Variants in CNTNAP4 observed in about 807,000 individuals in gnomAD.
CNTNAP4 encodes contactin associated protein family member 4.
A neutral mutation model predicts 148.4 loss-of-function variants in CNTNAP4; 98 were observed. That is an observed-to-expected ratio of 0.66 (90% CI 0.56 to 0.78). CNTNAP4 has a LOEUF of 0.78. Ranked by LOEUF, CNTNAP4 falls within the 30% of genes least tolerant of loss-of-function variation. The pLI, the probability that CNTNAP4 is intolerant of heterozygous loss-of-function variation, is 0.00. For missense variants in CNTNAP4, 1,935 were observed against 1,565.6 expected (o/e 1.24, Z -3.98); for synonymous variants, 730 against 565.1 (o/e 1.29, Z -4.14).
chr16:76,526,604 A>G (rs945104349), intron 17 of CNTNAP4, among the ~76,000 whole-genome samples: 12 of 152,158 alleles, frequency 7.9e-5, no homozygotes, highest in African/African-American at 2.9e-4. Flanking sequence ...CTTATCTATG[A>G]TAATATGCTT....
At chr16:76,521,058 G>C in intron 15 of CNTNAP4, 82 bp from the exon 16 acceptor site, 1 of 1,297,158 alleles carries the variant, frequency 7.7e-7, no homozygotes, top group Non-Finnish European at 1.1e-6. Flanking sequence ...GCTAAAAATA[G>C]AACATGTAAT....
At chr16:76,361,734 T>C (rs1188779292) in intron 3 of CNTNAP4, among the ~76,000 whole-genome samples, 2 of 152,218 alleles carry the variant, frequency 1.3e-5, no homozygotes, top group Non-Finnish European at 2.9e-5. Context: ...GGAAATTCCA[T>C]ACTGCATGCT....
chr16:76,468,724 G>T (rs760715462), intron 10 of CNTNAP4, among the ~76,000 whole-genome samples: 1 of 151,940 alleles, frequency 6.6e-6, no homozygotes, highest in Non-Finnish European at 1.5e-5. Context: ...CTCCCAAAGT[G>T]CTGGAATTAC....
intron 18 of CNTNAP4, among the ~76,000 whole-genome samples, chr16:76,536,108 A>G (rs770915837): frequency 3.3e-5 from 5 of 152,040 alleles, no homozygotes; most frequent in Non-Finnish European, 4.4e-5. Context: ...TTTTCTACCT[A>G]GTGTTGATGC....
At chr16:76,543,278 C>T (rs147825376) in intron 21 of CNTNAP4, among the ~76,000 whole-genome samples, 1 of 152,050 alleles carries the variant, frequency 6.6e-6, no homozygotes, top group Non-Finnish European at 1.5e-5. Flanking sequence ...AACTTGTGGT[C>T]AAATTTTGTG....
chr16:76,373,267 T>G (rs186694565), intron 3 of CNTNAP4, among the ~76,000 whole-genome samples: 4 of 145,072 alleles, frequency 2.8e-5, no homozygotes, highest in East Asian at 2.0e-4. Context: ...CACATATATA[T>G]GTGAAATATA....
At chr16:76,525,449 G>GA (rs1192107002) in intron 17 of CNTNAP4, among the ~76,000 whole-genome samples, 2 of 147,720 alleles carry the variant, frequency 1.4e-5, no homozygotes, top group East Asian at 2.0e-4. Flanking sequence ...TATAGAGAGA[G>GA]AAAAAATGTA....
chr16:76,331,503 G>GTT (rs113105251), intron 2 of CNTNAP4, among the ~76,000 whole-genome samples: 3 of 143,686 alleles, frequency 2.1e-5, no homozygotes. Context: ...TTTCTTTCAA[G>GTT]TTTTTTTTTT....
At chr16:76,318,512 T>A (rs1277540629) in intron 2 of CNTNAP4, among the ~76,000 whole-genome samples, 1 of 152,068 alleles carries the variant, frequency 6.6e-6, no homozygotes, top group Admixed American at 6.5e-5. Flanking sequence ...AGGATCATTT[T>A]AATTATCTTT....
chr16:76,553,864 GC>G lies in CNTNAP4; in HGVS notation c.3694del (p.Ala1233LeufsTer10). ...DHSGTIDDRE[P>X]LANAIKSDSA... ...ATTCTGGAACAATAGATGACAGAGA[GC>G]CCCTTGCTAATGCAATCAAAAGTGA... On this transcript the variant is annotated frameshift_variant, in exon 23 of 24. Coordinates refer to ENST00000611870, the MANE Select transcript of CNTNAP4 (RefSeq NM_033401.5). LOFTEE classifies it high-confidence loss of function. 6.2e-7 allele frequency: 1 copy of G among 1,612,368 alleles called. No individual in the cohort carries two copies. The highest frequency in any genetic ancestry group is 8.5e-7 in the Non-Finnish European group (1 of 1,178,632).
intron 15 of CNTNAP4, among the ~76,000 whole-genome samples, chr16:76,515,449 G>T (rs8053486): frequency 0.16 from 24,195 of 152,100 alleles, 2,454 homozygotes; most frequent in African/African-American, 0.28. Context: ...TCTCTGTGCT[G>T]ACTCAGAGGA....
intron 1 of CNTNAP4, among the ~76,000 whole-genome samples, chr16:76,281,284 G>A (rs959835017): frequency 5.3e-5 from 8 of 152,018 alleles, no homozygotes; most frequent in Non-Finnish European, 8.8e-5. Context: ...CAATAGTAAA[G>A]TACTGATAAA....
chr16:76,351,408 C>A (rs189865140), intron 2 of CNTNAP4, among the ~76,000 whole-genome samples: 1 of 151,996 alleles, frequency 6.6e-6, no homozygotes, highest in South Asian at 2.1e-4. Flanking sequence ...TTATCTCTAT[C>A]GCTCAGTCTA....
chr16:76,462,331 T>G (rs2081007842), intron 9 of CNTNAP4, among the ~76,000 whole-genome samples: 2 of 152,168 alleles, frequency 1.3e-5, no homozygotes. Flanking sequence ...TGAGATTGAT[T>G]TTAAGTAGGC....
rs1033422334 is a variant in CNTNAP4, at chr16:76,522,130, G to T, written c.2628G>T (p.Trp876Cys). The T allele has an allele frequency of 1.3e-5, 21 of 1,613,982 alleles. No individual in the cohort carries two copies. The highest frequency in any genetic ancestry group is 1.8e-5 in the Non-Finnish European group (21 of 1,179,896). ...QSPTHFNDNQ[W>C]HHVRVERNMK... ...CCACCCACTTCAACGACAACCAGTG[G>T]CACCATGTGAGGGTTGAAAGGAACA... is the stretch of plus-strand genomic sequence containing the variant. The change falls in exon 17 of 24, where the codon TGG becomes TGT. Residue 876 changes from tryptophan to cysteine, a missense_variant. Physicochemically the swap from Trp to Cys is radical, Grantham distance 215. Transcript: ENST00000611870.
In CNTNAP4 at chr16:76,357,863, C is replaced by T. The variant is rs558595263; in HGVS notation, c.390+2352C>T. Among the ~76,000 whole-genome samples, 6 of 152,130 alleles carry T rather than the reference C, an allele frequency of 3.9e-5. No individual in the cohort carries two copies. The East Asian group carries it at 1.2e-3, about 29-fold the overall frequency. On this transcript the variant is annotated intron_variant, in intron 3 of 23. Coordinates refer to ENST00000611870, the MANE Select transcript of CNTNAP4 (RefSeq NM_033401.5). Reference sequence around the variant, plus strand: ...TATAGATATTGAACTTCTTTATGGGCGAGATTTTCTTTTTCTAGTCTTAGC... The same window carrying T: ...TATAGATATTGAACTTCTTTATGGGTGAGATTTTCTTTTTCTAGTCTTAGC...
At chr16:76,453,436 C>G (rs8061892) in intron 8 of CNTNAP4, among the ~76,000 whole-genome samples, 1 of 151,866 alleles carries the variant, frequency 6.6e-6, no homozygotes, top group African/African-American at 2.4e-5. Flanking sequence ...TAGGCCAGTG[C>G]GTTGAGTGAG....
intron 1 of CNTNAP4, among the ~76,000 whole-genome samples, chr16:76,292,840 AC>A (rs1368923229): frequency 6.6e-6 from 1 of 152,238 alleles, no homozygotes; most frequent in African/African-American, 2.4e-5. Flanking sequence ...AAAAGAAAAC[AC>A]TTCAGATTTA....
rs561711949 is a variant in CNTNAP4, at chr16:76,462,673, G to A, written c.1483+568G>A. 5.3e-5 allele frequency among the ~76,000 whole-genome samples: 8 copies of A among 152,180 alleles called. No homozygotes were observed. In the South Asian group the frequency reaches 1.0e-3, roughly 20 times the overall value. ...ACAAAAGCAAATGAAGCATCCACCC[G>A]CCCAGTGGATGTTTGTTTGAACTAA... On this transcript the variant is annotated intron_variant, in intron 9 of 23. Transcript: ENST00000611870.
Sources: allele counts gnomAD v4.1 joint callset (sites outside exome capture counted in the v4.1 genomes callset), GRCh38; gene constraint gnomAD v4.1.1; transcripts MANE v1.5; gene names NCBI Gene and HGNC (gene_info 2026-07-23, HGNC 2026-07-21).